Variants in ZNF644 observed in about 807,000 individuals in gnomAD.
ZNF644 encodes zinc finger protein 644, also known as zinc finger motif enhancer binding protein 2.
In ZNF644, 20 loss-of-function variants were observed where a neutral mutation model predicts 108.0. The ratio of observed to expected loss-of-function variants is 0.19; its 90% CI spans 0.13 to 0.27. The LOEUF is 0.27. ZNF644 is among the 10% of genes least tolerant of loss of function. The pLI is 1.00. For synonymous variants in ZNF644, 542 were observed against 539.1 expected (o/e 1.01, Z -0.08); for missense variants, 1,338 against 1,548.9 (o/e 0.86, Z 2.29).
chr1:91,013,754 C>CATG (rs1399303003), intron 1 of ZNF644, among the ~76,000 whole-genome samples: 1 of 152,092 alleles, frequency 6.6e-6, no homozygotes, highest in East Asian at 1.9e-4. Flanking sequence ...TACCTGAACT[C>CATG]TGGCTAGTCT....
rs530728612 is a variant in ZNF644, at chr1:90,927,361, G to A, written c.3689-9207C>T. Among the ~76,000 whole-genome samples the A allele has an allele frequency of 1.7e-3, 262 of 152,222 alleles. 2 individuals are homozygous for A. The highest frequency in any genetic ancestry group is 0.01 in the South Asian group (50 of 4,820). ...TGTTGAATTAGTGAAAAAATCAGCC[G>A]ATCATTTTTTTGTATGGTGGAGAAA... On this transcript the variant is annotated intron_variant, in intron 4 of 5. Transcript: ENST00000337393.
intron 1 of ZNF644, among the ~76,000 whole-genome samples, chr1:90,996,677 A>T (rs1658178449): frequency 6.6e-6 from 1 of 152,174 alleles, no homozygotes; most frequent in Non-Finnish European, 1.5e-5. Context: ...GCTACTCGGG[A>T]GGCTGAAGAC....
At chr1:90,953,771 C>T (rs1452617549) in intron 2 of ZNF644, among the ~76,000 whole-genome samples, 2 of 151,856 alleles carry the variant, frequency 1.3e-5, no homozygotes, top group Admixed American at 6.6e-5. Context: ...AAAAAATTAG[C>T]CAGGTGTGGT....
At chr1:90,948,401 G>A (rs1414969793) in intron 2 of ZNF644, among the ~76,000 whole-genome samples, 1 of 152,132 alleles carries the variant, frequency 6.6e-6, no homozygotes, top group African/African-American at 2.4e-5. Context: ...GGCTTTAAAG[G>A]GACTCCTTAC....
At position 91,021,635 on chromosome 1, in the gene ZNF644, C is replaced by CA. The variant is rs1553165196; in HGVS notation, c.-18+354_-18+355insT. ...GATCCTCCGACGCCGCAGCGGAAAG[C>CA]CCCCCCCCCATCCCCCCGCCGAGTC... On this transcript the variant is annotated intron_variant, in intron 1 of 5. Coordinates refer to ENST00000337393, the MANE Select transcript of ZNF644 (RefSeq NM_201269.3). The CA allele has an allele frequency of 3.1e-3, 19 of 6,072 alleles. 1 individual carries two copies. The highest frequency in any genetic ancestry group is 4.0e-3 in the African/African-American group (7 of 1,764). 0.4% of individuals were successfully genotyped at this position (6,072 alleles called of 1,614,324 possible). A position where few individuals can be genotyped will look rare whatever the true frequency, so the allele number is the denominator to read the frequency against.
intron 1 of ZNF644, among the ~76,000 whole-genome samples, chr1:91,005,184 C>G (rs1400087411): frequency 1.3e-5 from 2 of 152,074 alleles, no homozygotes; most frequent in East Asian, 3.8e-4. Context: ...GTTGATGCAG[C>G]TATTCTCACA....
At position 90,937,610 on chromosome 1, in the gene ZNF644, A is replaced by G; in HGVS notation, c.3563T>C (p.Ile1188Thr). 1 of 1,613,926 alleles carries G rather than the reference A, an allele frequency of 6.2e-7. No individual in the cohort carries two copies. Residue 1188 changes from isoleucine to threonine, a missense_variant, in exon 4 of 6, where the codon ATT becomes ACT. Ile to Thr is a moderately conservative substitution (Grantham distance 89). Coordinates refer to ENST00000337393, the MANE Select transcript of ZNF644 (RefSeq NM_201269.3). ...CTGATTATGGATCTTTTGAGGAGAA[A>G]TAGCAGAATTCCTTTCTTCTCCCAT... is the stretch of plus-strand genomic sequence containing the variant. ...KRMGEERNSA[I>T]SPQKIHNQTA...
chr1:90,965,512 A>G (rs1401730949), intron 2 of ZNF644, among the ~76,000 whole-genome samples: 2 of 152,198 alleles, frequency 1.3e-5, no homozygotes, highest in Admixed American at 6.5e-5. Flanking sequence ...GGATTTCAAC[A>G]TAAGAATTTG....
intron 4 of ZNF644, among the ~76,000 whole-genome samples, chr1:90,926,215 C>A (rs965738556): frequency 2.6e-5 from 4 of 152,188 alleles, no homozygotes; most frequent in African/African-American, 9.7e-5. Flanking sequence ...CCTATGAACT[C>A]TGTTTCACCT....
At chr1:90,945,025 C>G (rs1370847590) in intron 2 of ZNF644, among the ~76,000 whole-genome samples, 1 of 152,050 alleles carries the variant, frequency 6.6e-6, no homozygotes, top group Non-Finnish European at 1.5e-5. Context: ...TAATTTTACA[C>G]CATCTCAAAT....
At chr1:90,998,000 G>A (rs1417129305) in intron 1 of ZNF644, among the ~76,000 whole-genome samples, 1 of 152,230 alleles carries the variant, frequency 6.6e-6, no homozygotes, top group Non-Finnish European at 1.5e-5. Flanking sequence ...GGCTGGGGGA[G>A]GGGTGCCCAC....
chr1:90,955,804 C>T (rs1219162828), intron 2 of ZNF644, among the ~76,000 whole-genome samples: 1 of 152,200 alleles, frequency 6.6e-6, no homozygotes, highest in Non-Finnish European at 1.5e-5. Context: ...TATTTGTGTG[C>T]TCACTGGAGT....
intron 1 of ZNF644, among the ~76,000 whole-genome samples, chr1:91,008,789 T>C (rs1659677371): frequency 6.6e-6 from 1 of 152,172 alleles, no homozygotes; most frequent in Non-Finnish European, 1.5e-5. Flanking sequence ...ACGTCTTTAC[T>C]TGCTGCAGTT....
Position 90,938,783 on chromosome 1 carries a change from AT to A in ZNF644, c.2570del (p.Asp857ValfsTer10). The A allele has an allele frequency of 6.2e-7, 1 of 1,613,838 alleles. No individual in the cohort carries two copies. Among genetic ancestry groups the A allele is most frequent in the Non-Finnish European group, 8.5e-7 (1 of 1,179,924 alleles). On this transcript the variant is annotated frameshift_variant, in exon 3 of 6. Coordinates refer to ENST00000337393, the MANE Select transcript of ZNF644 (RefSeq NM_201269.3). LOFTEE classifies it high-confidence loss of function. The surrounding 1 kb of genome is among the most constrained non-coding windows in gnomAD (Gnocchi z 4.2). ...ACTCAACATTATCCCAGGAACTTTC[AT>A]CTTCTGTTTCATAACTATCTTTCTT... ...AEKKDSYETE[D>X]ESSWDNVELG...
At chr1:90,947,098 G>A (rs373766438) in intron 2 of ZNF644, among the ~76,000 whole-genome samples, 8 of 152,212 alleles carry the variant, frequency 5.3e-5, no homozygotes, top group African/African-American at 1.7e-4. Context: ...GTAACAATAA[G>A]AATCAACAGT....
At chr1:90,977,514 T>G (rs1233316326) in intron 2 of ZNF644, among the ~76,000 whole-genome samples, 2 of 152,212 alleles carry the variant, frequency 1.3e-5, no homozygotes, top group African/African-American at 4.8e-5. Flanking sequence ...TTCAAACCTT[T>G]GAGCACTCTC....
intron 2 of ZNF644, among the ~76,000 whole-genome samples, chr1:90,973,491 T>C (rs1331008394): frequency 6.6e-6 from 1 of 152,142 alleles, no homozygotes. Context: ...AAAATGAGGA[T>C]TGAGTTAATA....
chr1:90,938,597 T>C lies in ZNF644; in HGVS notation c.2757A>G (p.Glu919=), dbSNP rs1256802882. The C allele has an allele frequency of 6.2e-7, 1 of 1,612,722 alleles. No homozygotes were observed. The highest frequency in any genetic ancestry group is 1.1e-5 in the South Asian group (1 of 90,962). ...TGTTACTTCCAGTATCTTCATAGTA[T>C]TCAAAATAAAAGCCATCGTTTTGGT... ...SYDQNDGFYF[E]YYEDTGSNNF... Residue 919 remains glutamate (E), a synonymous_variant, in exon 3 of 6, where the codon GAA becomes GAG. Transcript: ENST00000337393. This position sits in a 1 kb window ranked among gnomAD's most constrained non-coding sequence, Gnocchi z 4.2.
intron 4 of ZNF644, among the ~76,000 whole-genome samples, chr1:90,921,907 A>C (rs1229476178): frequency 6.6e-6 from 1 of 152,166 alleles, no homozygotes; most frequent in Non-Finnish European, 1.5e-5. Flanking sequence ...CAAAGCACTA[A>C]ACCAGATTGG....
Sources: gnomAD v4.1 joint callset for allele counts (sites outside exome capture counted in the v4.1 genomes callset) on GRCh38, gnomAD v4.1.1 for gene constraint, Gnocchi (gnomAD v3.1) non-coding constraint, MANE v1.5 for transcripts, NCBI Gene and HGNC (gene_info 2026-07-23, HGNC 2026-07-21) for gene names.